The following MMS19 variants were observed in gnomAD, a reference collection of about 807,000 sequenced individuals.
The protein encoded by MMS19 is MMS19 nucleotide excision repair protein homolog.
In MMS19, 77 loss-of-function variants were observed where a neutral mutation model predicts 129.8. The ratio of observed to expected loss-of-function variants is 0.59; its 90% CI spans 0.49 to 0.72. MMS19 has a LOEUF of 0.72. Among genes scored for constraint, MMS19 ranks in the 30% least tolerant of loss-of-function variants. The pLI, the probability that MMS19 is intolerant of heterozygous loss-of-function variation, is 0.00. For missense variants in MMS19, 1,168 were observed against 1,266.3 expected (o/e 0.92, Z 1.18); for synonymous variants, 491 against 502.8 (o/e 0.98, Z 0.31).
chr10:97,490,198 C>T (rs968923412), intron 1 of MMS19, among the ~76,000 whole-genome samples: 2 of 152,094 alleles, frequency 1.3e-5, no homozygotes, highest in African/African-American at 2.4e-5. Context: ...CTCACCTCAG[C>T]CTCCCGAGTA....
intron 1 of MMS19, among the ~76,000 whole-genome samples, chr10:97,489,337 T>C (rs2135527794): frequency 6.6e-6 from 1 of 152,382 alleles, no homozygotes; most frequent in Admixed American, 6.5e-5. Flanking sequence ...TAATAACATT[T>C]GTTGCCTTCA....
rs535028592 is a variant in MMS19 at position 97,477,394 on chromosome 10, T to C, written c.446A>G (p.His149Arg). Residue 149 changes from histidine to arginine, a missense_variant, in exon 6 of 31, where the codon CAC becomes CGC. Coordinates refer to ENST00000438925, the MANE Select transcript of MMS19 (RefSeq NM_022362.5). ...ATTGGTGATGATATTGTAGACTGTG[T>C]GTCGGTCCACCTGTGGCAGGGACTT... ...HVQSLPQVDR[H>R]TVYNIITNFM... 6.2e-7 allele frequency: 1 copy of C among 1,614,008 alleles called. No individual in the cohort carries two copies. The highest frequency in any genetic ancestry group is 8.5e-7 in the Non-Finnish European group (1 of 1,179,886).
chr10:97,462,557 C>T, intron 20 of MMS19, 26 bp downstream of exon 20: 2 of 1,567,598 alleles, frequency 1.3e-6, no homozygotes, highest in Non-Finnish European at 1.8e-6. Context: ...TCCCTGGGTT[C>T]AAGCCACATC....
chr10:97,480,446 C>T, intron 3 of MMS19: 1 of 386,876 alleles, frequency 2.6e-6, no homozygotes, highest in East Asian at 7.2e-5. Flanking sequence ...AAGTTGTTGT[C>T]CTTTTTCCCC....
intron 19 of MMS19, chr10:97,462,904 C>T: frequency 2.1e-6 from 1 of 485,086 alleles, no homozygotes; most frequent in Admixed American, 3.8e-5. Context: ...TCTGCACAGT[C>T]TTTAGACTAG....
intron 1 of MMS19, among the ~76,000 whole-genome samples, chr10:97,488,794 A>G (rs2038365790): frequency 6.6e-6 from 1 of 152,210 alleles, no homozygotes; most frequent in Non-Finnish European, 1.5e-5. Flanking sequence ...CTGTACTGTG[A>G]AAGTGCAAAA....
chr10:97,461,046 C>A (rs1783698172), intron 23 of MMS19, 39 bp from the exon 24 acceptor site: 3 of 1,467,258 alleles, frequency 2.0e-6, no homozygotes, highest in Non-Finnish European at 2.8e-6. Context: ...AAAGGCTACA[C>A]ATTTTCCCTT....
At chr10:97,474,981 G>A (rs957294852) in intron 8 of MMS19, among the ~76,000 whole-genome samples, 3 of 152,104 alleles carry the variant, frequency 2.0e-5, no homozygotes, top group South Asian at 2.1e-4. Flanking sequence ...TTGACCTAGC[G>A]ATTTCTTTTA....
chr10:97,483,344 G>T (rs1176645789), intron 2 of MMS19, among the ~76,000 whole-genome samples: 4 of 152,132 alleles, frequency 2.6e-5, no homozygotes, highest in Non-Finnish European at 5.9e-5. Flanking sequence ...ATGAGCCACT[G>T]CACCCAGCCA....
chr10:97,464,947 AT>A lies in MMS19; in HGVS notation c.1756+857del, dbSNP rs200192315. Among the ~76,000 whole-genome samples, 515 of 152,148 alleles carry A rather than the reference AT, an allele frequency of 3.4e-3. 14 individuals are homozygous for A. The highest frequency in any genetic ancestry group is 0.028 in the Admixed American group (434 of 15,272). ...TCAAACTCTTGAGCTCAAGTGATCC[AT>A]CAGCCTTGGCCTCCCAAAGTGCTGG... On this transcript the variant is annotated intron_variant, in intron 18 of 30. Transcript: ENST00000438925.
chr10:97,467,227 C>CCTTA (rs2133382983), intron 14 of MMS19, among the ~76,000 whole-genome samples: 1 of 152,286 alleles, frequency 6.6e-6, no homozygotes, highest in South Asian at 2.1e-4. Flanking sequence ...TTTCCGCCTG[C>CCTTA]CTTAGCCTAC....
At chr10:97,459,980 C>A in intron 26 of MMS19, 66 bp downstream of exon 26, 1 of 1,532,514 alleles carries the variant, frequency 6.5e-7, no homozygotes. Flanking sequence ...CCTAAATTAT[C>A]TTAGGGAATG....
intron 1 of MMS19, among the ~76,000 whole-genome samples, chr10:97,493,202 G>C (rs2039223110): frequency 6.6e-6 from 1 of 152,068 alleles, no homozygotes; most frequent in South Asian, 2.1e-4. Flanking sequence ...GTAGAGACAA[G>C]GTCTCACTAT....
intron 9 of MMS19, among the ~76,000 whole-genome samples, 164 bp from the exon 10 acceptor site, chr10:97,470,367 AC>A (rs1215631126): frequency 6.6e-6 from 1 of 152,236 alleles, no homozygotes; most frequent in Non-Finnish European, 1.5e-5. Flanking sequence ...CCAAGCAGTG[AC>A]CAGAGCCCCA....
chr10:97,461,371 T>C, intron 23 of MMS19, 125 bp downstream of exon 23: 1 of 1,191,676 alleles, frequency 8.4e-7, no homozygotes, highest in South Asian at 1.5e-5. Flanking sequence ...AGGACAGTGC[T>C]TGAGCAGTTG....
At chr10:97,496,220 C>T (rs2039750842) in intron 1 of MMS19, among the ~76,000 whole-genome samples, 2 of 151,946 alleles carry the variant, frequency 1.3e-5, no homozygotes, top group African/African-American at 2.4e-5. Context: ...TTTGCAAAAA[C>T]GTTTGTAAGA....
chr10:97,486,862 C>CATATATAAATATATATATATATATATAT (rs2037943466), intron 1 of MMS19, among the ~76,000 whole-genome samples: 1 of 85,078 alleles, frequency 1.2e-5, no homozygotes, highest in African/African-American at 4.1e-5. Flanking sequence ...ATTAAAGTGC[C>CATATATAAATATATATATATATATATAT]ATATATATAT....
rs1386329808 is a variant in MMS19, at chr10:97,498,333, C to T, written c.52G>A (p.Gly18Ser). The stretch of plus-strand genomic sequence containing the variant: ...CCCACGACGAAGTCGTGCACGAGGC[C>T]CCATAGGGCACCCATAGGCGCCGCC... ...EAAAPMGALW[G>S]LVHDFVVGQQ... The change falls in exon 1 of 31, where the codon GGC (glycine) becomes AGC (serine). Residue 18 changes from glycine (G) to serine (S), a missense_variant. Physicochemically the swap from Gly to Ser is moderately conservative, Grantham distance 56. Coordinates refer to ENST00000438925, the MANE Select transcript of MMS19 (RefSeq NM_022362.5). 5.1e-6 allele frequency: 8 copies of T among 1,575,134 alleles called. No individual in the cohort carries two copies. Among genetic ancestry groups the T allele is most frequent in the Non-Finnish European group, 6.0e-6 (7 of 1,167,694 alleles).
At position 97,460,880 on chromosome 10, in the gene MMS19, T is replaced by C. The variant is rs748756111; in HGVS notation, c.2412+27A>G. On this transcript the variant is annotated intron_variant, in intron 24 of 30. Transcript: ENST00000438925. ...AACCAGACATAATTGCCTCTCTGGCTAACCAGACTCCACTCCAACTCCTTA... is the reference window on the plus strand; with the variant it reads ...AACCAGACATAATTGCCTCTCTGGCCAACCAGACTCCACTCCAACTCCTTA... 4.1e-5 allele frequency: 63 copies of C among 1,554,678 alleles called. 5 individuals are homozygous for C. In the South Asian group the frequency reaches 7.1e-4, roughly 17 times the overall value.
Sources: allele counts gnomAD v4.1 joint callset (sites outside exome capture counted in the v4.1 genomes callset), GRCh38; gene constraint gnomAD v4.1.1; transcripts MANE v1.5; gene names NCBI Gene and HGNC (gene_info 2026-07-23, HGNC 2026-07-21).